The following NOD1 variants were observed in gnomAD, a reference collection of about 807,000 sequenced individuals.
NOD1 encodes nucleotide binding oligomerization domain containing 1, also known as nucleotide-binding oligomerization domain-containing protein 1.
A neutral mutation model predicts 81.2 loss-of-function variants in NOD1; 70 were observed. The ratio of observed to expected loss-of-function variants is 0.86; its 90% CI spans 0.71 to 1.05. The LOEUF (loss-of-function observed/expected upper bound fraction) is 1.05, where lower values mean the gene tolerates loss of function less well. Ranked by LOEUF, NOD1 falls within the 50% of genes least tolerant of loss-of-function variation. The probability of loss-of-function intolerance (pLI) is 0.00; values close to 1 mark genes in which losing one functional copy is unlikely to be tolerated. For missense variants in NOD1, 1,233 were observed against 1,228.0 expected, an observed-to-expected ratio of 1.00 and a Z score of -0.06; for synonymous variants, 508 against 526.9, an observed-to-expected ratio of 0.96 and a Z score of 0.49.
In NOD1 at chr7:30,456,723, T is replaced by C. The variant is rs758603558; in HGVS notation, c.199A>G (p.Lys67Glu). The C allele has an allele frequency of 2.5e-6, 4 of 1,613,676 alleles. No homozygotes were observed. The East Asian group carries it at 8.9e-5, about 36-fold the overall frequency. Reference protein sequence around the residue: ...IVCACPTQPDKVRKILDLVQS... With the variant: ...IVCACPTQPDEVRKILDLVQS... ...GCCCGTCCCTGTCCCCGGGGCACCT[T>C]GTCAGGCTGGGTGGGGCAGGCACAC... The change falls in exon 4 of 14, where the codon AAG (lysine) becomes GAG (glutamate). Residue 67 changes from lysine (K) to glutamate (E), a missense_variant and splice_region_variant. Transcript: ENST00000222823.
At position 30,429,385 on chromosome 7, in the gene NOD1, T is replaced by TA. The variant is rs1397050193; in HGVS notation, c.2777dup (p.Thr927AsnfsTer19). ...CGCTGGGATCTTACCAAATCTCTGT[T>TA]ATGCCAGTGTTGCTCTGTAACGCAT... On this transcript the variant is annotated frameshift_variant, in exon 13 of 14. Coordinates refer to ENST00000222823, the MANE Select transcript of NOD1 (RefSeq NM_006092.4). LOFTEE classifies it high-confidence loss of function. The TA allele has an allele frequency of 6.2e-7, 1 of 1,613,784 alleles. No individual in the cohort carries two copies. The highest frequency in any genetic ancestry group is 1.3e-5 in the African/African-American group (1 of 74,956).
At position 30,462,232 on chromosome 7, in the gene NOD1, A is replaced by G. The variant is rs1201486445; in HGVS notation, c.-351-2191T>C. Among the ~76,000 whole-genome samples, 5 of 152,334 alleles carry G rather than the reference A, an allele frequency of 3.3e-5. No individual in the cohort carries two copies. The South Asian group carries it at 1.0e-3, about 32-fold the overall frequency. ...CAGCTTTGCATCCTTGCAAAGATAGAGAGTAAGATACAAAAATGCTGTTGA... is the reference window on the plus strand; with the variant it reads ...CAGCTTTGCATCCTTGCAAAGATAGGGAGTAAGATACAAAAATGCTGTTGA... On this transcript the variant is annotated intron_variant, in intron 1 of 13. Coordinates refer to ENST00000222823, the MANE Select transcript of NOD1 (RefSeq NM_006092.4).
intron 1 of NOD1, among the ~76,000 whole-genome samples, chr7:30,473,172 A>AT (rs1410976205): frequency 6.6e-6 from 1 of 152,176 alleles, no homozygotes; most frequent in East Asian, 1.9e-4. Context: ...ACCTCACTCA[A>AT]CTGAGAATTT....
At position 30,473,581 on chromosome 7, in the gene NOD1, T is replaced by C. The variant is rs199701790; in HGVS notation, c.-352+5025A>G. Among the ~76,000 whole-genome samples the C allele has an allele frequency of 2.6e-5, 4 of 152,320 alleles. No homozygotes were observed. In the East Asian group the frequency reaches 7.7e-4, roughly 29 times the overall value. On this transcript the variant is annotated intron_variant, in intron 1 of 13. Transcript: ENST00000222823. ...TTTTTCCAGTTGATATTAACCAGCC[T>C]AAGCAATGGATGAGGTTTAATGTTA...
At position 30,478,769 on chromosome 7, in the gene NOD1, G is replaced by C. The variant is rs912223322; in HGVS notation, c.-515C>G. 6.6e-6 allele frequency: 1 copy of C among 152,224 alleles called. No individual in the cohort carries two copies. Among genetic ancestry groups the C allele is most frequent in the Non-Finnish European group, 1.5e-5 (1 of 68,026 alleles). The allele number at this position is 152,224 out of a possible 1,614,324, so 9.4% of individuals were successfully genotyped here. On this transcript the variant is annotated 5_prime_UTR_variant, in exon 1 of 14. Coordinates refer to ENST00000222823, the MANE Select transcript of NOD1 (RefSeq NM_006092.4). The surrounding 1 kb of genome is among the most constrained non-coding windows in gnomAD (Gnocchi z 4.1). ...CAGGACCGGGGCGGCTGCCTCGCGG[G>C]CCCGGAACGGGAACTGGCTGCGACT... is the stretch of plus-strand genomic sequence containing the variant.
rs565502191 is a variant in NOD1, at chr7:30,452,708, G to A, written c.709C>T (p.Arg237Cys). The change falls in exon 6 of 14, where the codon CGC becomes TGC. Residue 237 changes from arginine (R) to cysteine (C), a missense_variant. Transcript: ENST00000222823. ...GVKFFFHFRC[R>C]MFSCFKESDR... ...CTTTCCTTGAAGCAGCTGAACATGC[G>A]GCAGCGAAAGTGGAAGAAGAATTTG... The A allele has an allele frequency of 7.4e-5, 120 of 1,613,942 alleles. No homozygotes were observed. Among genetic ancestry groups the A allele is most frequent in the Middle Eastern group, 4.9e-4 (3 of 6,062 alleles).
At chr7:30,458,784 T>G (rs886789327) in intron 3 of NOD1, among the ~76,000 whole-genome samples, 1 of 151,332 alleles carries the variant, frequency 6.6e-6, no homozygotes, top group Non-Finnish European at 1.5e-5. Flanking sequence ...TGGCTCAGGC[T>G]GGAGTGCAGT....
intron 9 of NOD1, among the ~76,000 whole-genome samples, chr7:30,445,193 A>G (rs1156430090): frequency 9.9e-6 from 1 of 101,264 alleles, no homozygotes; most frequent in Admixed American, 9.7e-5. Context: ...GCGCACCAGC[A>G]TGGCACATGT....
rs187127087 is a variant in NOD1 at position 30,425,412 on chromosome 7, A to G, written c.*226T>C. ...TCACAGTGTATTTACTGTAACTACA[A>G]CAGCTCGCAAGACACATTCTTTTTC... On this transcript the variant is annotated 3_prime_UTR_variant, in exon 14 of 14. Coordinates refer to ENST00000222823, the MANE Select transcript of NOD1 (RefSeq NM_006092.4). 1.9e-4 allele frequency: 113 copies of G among 582,138 alleles called. No homozygotes were observed. Among genetic ancestry groups the G allele is most frequent in the Middle Eastern group, 9.2e-4 (2 of 2,180 alleles). The allele number at this position is 582,138 out of a possible 1,614,324, so 36.1% of individuals were successfully genotyped here.
In NOD1 at chr7:30,446,141, C is replaced by G. The variant is rs1785055004; in HGVS notation, c.2453G>C (p.Gly818Ala). 1 of 1,612,894 alleles carries G rather than the reference C, an allele frequency of 6.2e-7. No individual in the cohort carries two copies. The highest frequency in any genetic ancestry group is 1.7e-5 in the Admixed American group (1 of 60,016). Reference protein sequence around the residue: ...VKNSKSISEVGMWGNQVGDEG... With the variant: ...VKNSKSISEVAMWGNQVGDEG... Reference sequence around the variant, plus strand: ...CATACATCCATCCCCTTCTACTCACCCAACCTCAGAGATTGATTTGCTGTT... The same window carrying G: ...CATACATCCATCCCCTTCTACTCACGCAACCTCAGAGATTGATTTGCTGTT... Residue 818 changes from glycine (G) to alanine (A), a missense_variant and splice_region_variant, in exon 9 of 14, where the codon GGG (glycine) becomes GCG (alanine). By Grantham distance (60) the Gly-to-Ala change is moderately conservative (BLOSUM62 0). Coordinates refer to ENST00000222823, the MANE Select transcript of NOD1 (RefSeq NM_006092.4).
intron 1 of NOD1, among the ~76,000 whole-genome samples, chr7:30,460,942 G>A (rs1485726382): frequency 6.6e-6 from 1 of 152,202 alleles, no homozygotes; most frequent in African/African-American, 2.4e-5. Flanking sequence ...ATTCAGGGAA[G>A]CTGCTCTGGT....
chr7:30,452,580 G>A lies in NOD1; in HGVS notation c.837C>T (p.Ala279=), dbSNP rs761066009. The A allele has an allele frequency of 8.1e-6, 13 of 1,613,364 alleles. No homozygotes were observed. Among genetic ancestry groups the A allele is most frequent in the African/African-American group, 5.3e-5 (4 of 74,926 alleles). ...CGTCCAGGCCATCGAAGGTGAAGAG[G>A]GCCACGTGGGGGAAGCGCAGCAGGA... is the stretch of plus-strand genomic sequence containing the variant. ...FAFLLRFPHV[A]LFTFDGLDEL... is the part of the protein sequence containing the mutation. Residue 279 remains alanine, a synonymous_variant, in exon 6 of 14, where the codon GCC becomes GCT. Transcript: ENST00000222823.
chr7:30,429,656 TTC>T (rs528093145), intron 12 of NOD1, among the ~76,000 whole-genome samples, 199 bp from the exon 13 acceptor site: 7 of 152,198 alleles, frequency 4.6e-5, no homozygotes, highest in African/African-American at 1.2e-4. Flanking sequence ...TTTTTAAATT[TTC>T]TGTTTGTTTT....
At chr7:30,448,087 C>G (rs1785296917) in intron 7 of NOD1, 1 of 565,800 alleles carries the variant, frequency 1.8e-6, no homozygotes, top group South Asian at 2.3e-5. Flanking sequence ...TACTGGGATC[C>G]CAGTTTTACA....
intron 12 of NOD1, among the ~76,000 whole-genome samples, chr7:30,432,029 C>T (rs1039577620): frequency 1.3e-5 from 2 of 152,148 alleles, no homozygotes; most frequent in African/African-American, 4.8e-5. Context: ...CGCTTGAACC[C>T]AGGAGGTGGA....
intron 8 of NOD1, 117 bp downstream of exon 8, chr7:30,446,850 C>A: frequency 1.2e-6 from 1 of 825,288 alleles, no homozygotes; most frequent in South Asian, 1.8e-5. Context: ...CAACATGGCC[C>A]TGGGACAAGT....
At chr7:30,447,154 T>G (rs767280544) in intron 7 of NOD1, 104 bp from the exon 8 acceptor site, 1 of 1,592,042 alleles carries the variant, frequency 6.3e-7, no homozygotes, top group Non-Finnish European at 8.6e-7. Context: ...AAAGTCTGGG[T>G]TGAAAGGGGA....
At chr7:30,445,094 C>T (rs1343422170) in intron 9 of NOD1, among the ~76,000 whole-genome samples, 2 of 56,320 alleles carry the variant, frequency 3.6e-5, no homozygotes, top group African/African-American at 1.8e-4. Flanking sequence ...GGGAATATCA[C>T]ACTCTGGGGA....
Position 30,451,162 on chromosome 7 carries a change from TC to T in NOD1, c.2201+53del, listed in dbSNP as rs1785653055. 1 of 1,573,616 alleles carries T rather than the reference TC, an allele frequency of 6.4e-7. No individual in the cohort carries two copies. Among genetic ancestry groups the T allele is most frequent in the African/African-American group, 1.3e-5 (1 of 74,354 alleles). On this transcript the variant is annotated intron_variant, in intron 6 of 13. Transcript: ENST00000222823. The surrounding 1 kb of genome is among the most constrained non-coding windows in gnomAD (Gnocchi z 4.2). ...GTCCATGATGCCATTCCCGATGCCCTCCGAGCCTGGCCCGCCCGGCCCACCT... is the reference window on the plus strand; with the variant it reads ...GTCCATGATGCCATTCCCGATGCCCTCGAGCCTGGCCCGCCCGGCCCACCT...
Sources: allele counts gnomAD v4.1 joint callset (sites outside exome capture counted in the v4.1 genomes callset), GRCh38; gene constraint gnomAD v4.1.1; non-coding constraint Gnocchi (gnomAD v3.1); transcripts MANE v1.5; gene names NCBI Gene and HGNC (gene_info 2026-07-23, HGNC 2026-07-21).